The following HACE1 variants were observed in gnomAD, a reference collection of about 807,000 sequenced individuals.
HACE1 encodes the protein E3 ubiquitin-protein ligase HACE1.
In HACE1, 73 loss-of-function variants were observed where a neutral mutation model predicts 118.4. That is an observed-to-expected ratio of 0.62 (90% CI 0.51 to 0.75). The LOEUF (loss-of-function observed/expected upper bound fraction) is 0.75, where lower values mean the gene tolerates loss of function less well. HACE1 is among the 30% of genes least tolerant of loss of function. HACE1 has a pLI of 0.00. For missense variants in HACE1, 749 were observed against 1,102.2 expected (o/e 0.68, Z 4.54); for synonymous variants, 368 against 374.8 (o/e 0.98, Z 0.21).
rs544725097 is a variant in HACE1 at position 104,730,248 on chromosome 6, T to C, written c.2627+55A>G. 5.6e-6 allele frequency: 5 copies of C among 888,568 alleles called. No individual in the cohort carries two copies. The African/African-American group carries it at 8.2e-5, about 15-fold the overall frequency. The allele number at this position is 888,568 out of a possible 1,614,324, so 55.0% of individuals were successfully genotyped here. ...GCAGCAACAGTTAGATCTCTGATCA[T>C]TCAAAATTAATCAAAACAATTTGTA... On this transcript the variant is annotated intron_variant, in intron 23 of 23. Transcript: ENST00000262903.
chr6:104,761,346 C>T (rs757563583), intron 19 of HACE1, among the ~76,000 whole-genome samples: 13 of 152,018 alleles, frequency 8.6e-5, no homozygotes, highest in Non-Finnish European at 1.8e-4. Context: ...GGTACCAAAA[C>T]GATATATAGA....
intron 22 of HACE1, among the ~76,000 whole-genome samples, chr6:104,740,584 C>T (rs1472300009): frequency 6.6e-6 from 1 of 151,548 alleles, no homozygotes; most frequent in African/African-American, 2.4e-5. Context: ...TTCCTCGACA[C>T]ATACACTCTC....
intron 7 of HACE1, among the ~76,000 whole-genome samples, chr6:104,804,693 A>T (rs1770797277): frequency 6.6e-6 from 1 of 152,224 alleles, no homozygotes; most frequent in Non-Finnish European, 1.5e-5. Context: ...CTTACACCTT[A>T]TACAAAAATT....
intron 1 of HACE1, 182 bp downstream of exon 1, chr6:104,859,385 G>C: frequency 1.8e-6 from 1 of 540,716 alleles, no homozygotes; most frequent in Admixed American, 4.1e-5. Context: ...CCACCTGCCG[G>C]GGTGGGAGCG....
intron 22 of HACE1, among the ~76,000 whole-genome samples, chr6:104,734,761 T>G (rs1365508957): frequency 6.6e-6 from 1 of 152,194 alleles, no homozygotes; most frequent in Non-Finnish European, 1.5e-5. Context: ...CTATTTAAAG[T>G]GGAGAAGGCT....
intron 5 of HACE1, among the ~76,000 whole-genome samples, chr6:104,835,528 C>T (rs141847468): frequency 1.3e-5 from 2 of 151,228 alleles, no homozygotes; most frequent in East Asian, 3.9e-4. Flanking sequence ...AGGAAGTCTC[C>T]CTAAAAGTAC....
intron 19 of HACE1, among the ~76,000 whole-genome samples, chr6:104,761,507 GA>G: frequency 6.6e-6 from 1 of 152,302 alleles, no homozygotes; most frequent in East Asian, 1.9e-4. Flanking sequence ...GCAGAAAACT[GA>G]AACTGGACCC....
intron 7 of HACE1, among the ~76,000 whole-genome samples, chr6:104,798,132 C>A (rs1457990485): frequency 2.0e-5 from 3 of 150,120 alleles, no homozygotes; most frequent in Non-Finnish European, 4.4e-5. Context: ...ATAAGTTGTA[C>A]AGTTTGGAAG....
intron 9 of HACE1, 47 bp from the exon 10 acceptor site, chr6:104,795,732 A>C (rs1449787212): frequency 1.8e-6 from 2 of 1,107,326 alleles, no homozygotes; most frequent in African/African-American, 3.1e-5. Flanking sequence ...GTAATCCATT[A>C]AATCTTATCA....
intron 22 of HACE1, among the ~76,000 whole-genome samples, chr6:104,733,621 G>C (rs1397897626): frequency 6.6e-6 from 1 of 152,018 alleles, no homozygotes; most frequent in Non-Finnish European, 1.5e-5. Flanking sequence ...GGGAGGTCGA[G>C]GCTGGTGGAT....
intron 10 of HACE1, among the ~76,000 whole-genome samples, chr6:104,794,531 C>G (rs1783400232): frequency 6.6e-6 from 1 of 152,194 alleles, no homozygotes; most frequent in Non-Finnish European, 1.5e-5. Context: ...CCTGATTAGA[C>G]TGTAATTTCA....
chr6:104,834,630 T>G (rs1166967386), intron 5 of HACE1, among the ~76,000 whole-genome samples: 9 of 152,188 alleles, frequency 5.9e-5, no homozygotes, highest in African/African-American at 2.2e-4. Context: ...ACTAGATCCA[T>G]AAAGATACAG....
chr6:104,796,619 T>G (rs759055641), intron 9 of HACE1, 36 bp downstream of exon 9: 4 of 1,011,486 alleles, frequency 4.0e-6, no homozygotes, highest in Non-Finnish European at 6.3e-6. Flanking sequence ...GGAATAAAGC[T>G]TCTTCATTTA....
chr6:104,763,469 A>G (rs1779629164), intron 19 of HACE1, among the ~76,000 whole-genome samples: 1 of 152,162 alleles, frequency 6.6e-6, no homozygotes. Context: ...TAAAGGGATC[A>G]CTATCTCAGC....
At chr6:104,849,441 A>G (rs540584575) in intron 3 of HACE1, among the ~76,000 whole-genome samples, 195 bp from the exon 4 acceptor site, 1 of 152,022 alleles carries the variant, frequency 6.6e-6, no homozygotes, top group East Asian at 1.9e-4. Context: ...GGCTCAAGCA[A>G]TCCTCCCACC....
chr6:104,837,003 G>GT (rs1774609243), intron 5 of HACE1, among the ~76,000 whole-genome samples: 1 of 152,126 alleles, frequency 6.6e-6, no homozygotes, highest in Admixed American at 6.6e-5. Flanking sequence ...AAAGACCTAA[G>GT]TAAGTGTGGA....
chr6:104,851,290 G>A (rs1328986474), intron 2 of HACE1, among the ~76,000 whole-genome samples: 1 of 152,110 alleles, frequency 6.6e-6, no homozygotes, highest in Admixed American at 6.5e-5. Context: ...CACCAAGTTG[G>A]CCAAGATGAT....
intron 22 of HACE1, among the ~76,000 whole-genome samples, chr6:104,743,074 A>C (rs559452938): frequency 1.3e-5 from 2 of 151,090 alleles, no homozygotes; most frequent in East Asian, 3.9e-4. Flanking sequence ...AAAAAACCAA[A>C]CACCGCGTAT....
chr6:104,843,544 C>G (rs1390252870), intron 4 of HACE1, among the ~76,000 whole-genome samples: 1 of 152,036 alleles, frequency 6.6e-6, no homozygotes, highest in Non-Finnish European at 1.5e-5. Flanking sequence ...ATCATTGGGA[C>G]AAATCACATT....
Sources: allele counts gnomAD v4.1 joint callset (sites outside exome capture counted in the v4.1 genomes callset), GRCh38; gene constraint gnomAD v4.1.1; transcripts MANE v1.5; gene names NCBI Gene and HGNC (gene_info 2026-07-23, HGNC 2026-07-21).